AGAP3: variants seen among roughly 807,000 people sequenced by gnomAD.
AGAP3 encodes ArfGAP with GTPase domain, ankyrin repeat and PH domain 3.
In AGAP3, 24 loss-of-function variants were observed where a neutral mutation model predicts 96.9. That is an observed-to-expected ratio of 0.25 (90% CI 0.18 to 0.35). The LOEUF (loss-of-function observed/expected upper bound fraction) is 0.35. AGAP3 is among the 10% of genes least tolerant of loss of function. The pLI, the probability that AGAP3 is intolerant of heterozygous loss-of-function variation, is 1.00. For missense variants in AGAP3, 876 were observed against 1,254.2 expected, an observed-to-expected ratio of 0.70 and a Z score of 4.55; for synonymous variants, 563 against 536.1, an observed-to-expected ratio of 1.05 and a Z score of -0.69.
At chr7:151,138,400 G>A in intron 12 of AGAP3, 87 bp downstream of exon 12, 2 of 1,422,280 alleles carry the variant, frequency 1.4e-6, no homozygotes, top group Admixed American at 2.2e-5. Context: ...TGGCTTGGGA[G>A]GCTGCAGTGG....
chr7:151,092,375 C>A (rs371708726), intron 1 of AGAP3, among the ~76,000 whole-genome samples: 9 of 152,302 alleles, frequency 5.9e-5, no homozygotes, highest in East Asian at 5.8e-4. Flanking sequence ...GTGTTAGTTT[C>A]TTTTTAATAT....
chr7:151,094,091 C>T (rs2150408994), intron 1 of AGAP3, among the ~76,000 whole-genome samples: 1 of 152,218 alleles, frequency 6.6e-6, no homozygotes, highest in South Asian at 2.1e-4. Flanking sequence ...ATTTTCTGTA[C>T]CTCTGTTTCC....
Position 151,125,987 on chromosome 7 carries a change from G to C in AGAP3, c.1221+2101G>C, listed in dbSNP as rs1585092377. ...GAGCAGGAACCCCTGTAGCTTCTTT[G>C]GAGAGGGAGTGGGAAGAGGCACGGG... On this transcript the variant is annotated intron_variant, in intron 9 of 17. Coordinates refer to ENST00000397238, the MANE Select transcript of AGAP3 (RefSeq NM_031946.7). Among the ~76,000 whole-genome samples, 6 of 138,656 alleles carry C rather than the reference G, an allele frequency of 4.3e-5. No homozygotes were observed. The South Asian group carries it at 1.3e-3, about 31-fold the overall frequency. 91.0% of individuals were successfully genotyped at this position (138,656 alleles called of 152,430 possible). A position where few individuals can be genotyped will look rare whatever the true frequency, so the allele number is the denominator to read the frequency against.
At position 151,139,928 on chromosome 7, in the gene AGAP3, CCCT is replaced by C. The variant is rs1800754145; in HGVS notation, c.1667-46_1667-44del. 3 of 1,442,700 alleles carry C rather than the reference CCCT, an allele frequency of 2.1e-6. No individual in the cohort carries two copies. The East Asian group carries it at 8.5e-5, about 41-fold the overall frequency. The allele number at this position is 1,442,700 out of a possible 1,614,324, so 89.4% of individuals were successfully genotyped here. Reference sequence around the variant, plus strand: ...CTCCTCCCAGTGCCCTGCGCCCCTCCCCTCCTCTGCCTCCCTTCTTCCCACACT... The same window carrying C: ...CTCCTCCCAGTGCCCTGCGCCCCTCCCCTCTGCCTCCCTTCTTCCCACACT... On this transcript the variant is annotated intron_variant, in intron 12 of 17. Coordinates refer to ENST00000397238, the MANE Select transcript of AGAP3 (RefSeq NM_031946.7). The surrounding 1 kb of genome is among the most constrained non-coding windows in gnomAD (Gnocchi z 4.9).
In AGAP3 at chr7:151,123,785, C is replaced by T; in HGVS notation, c.1129-9C>T. On this transcript the variant is annotated splice_polypyrimidine_tract_variant and intron_variant, in intron 8 of 17. Transcript: ENST00000397238. ...GCCTCTTTAACACGCCTCTTGTTTT[C>T]TCTTCCAGTCTCGGAAGGGTGCTGA... 1 of 1,613,128 alleles carries T rather than the reference C, an allele frequency of 6.2e-7. No individual in the cohort carries two copies. The highest frequency in any genetic ancestry group is 8.5e-7 in the Non-Finnish European group (1 of 1,179,822).
intron 8 of AGAP3, chr7:151,123,170 G>GCCGTT (rs1056219997): frequency 1.9e-6 from 2 of 1,074,946 alleles, no homozygotes; most frequent in African/African-American, 3.4e-5. Context: ...ATGGACCTCT[G>GCCGTT]CCGTTCCTGC....
intron 1 of AGAP3, among the ~76,000 whole-genome samples, chr7:151,106,001 G>T (rs888290522): frequency 6.6e-6 from 1 of 151,740 alleles, no homozygotes; most frequent in African/African-American, 2.4e-5. Flanking sequence ...GGTTTAATGG[G>T]TTTAATAAGT....
At chr7:151,121,593 C>G (rs1799895914) in intron 8 of AGAP3, among the ~76,000 whole-genome samples, 1 of 152,154 alleles carries the variant, frequency 6.6e-6, no homozygotes, top group South Asian at 2.1e-4. Flanking sequence ...CAGTCCCCGG[C>G]CTCCTCCCTT....
chr7:151,091,226 G>A (rs926707079), intron 1 of AGAP3, among the ~76,000 whole-genome samples: 2 of 152,204 alleles, frequency 1.3e-5, no homozygotes, highest in African/African-American at 2.4e-5. Flanking sequence ...ATGAGGACTG[G>A]GGGGGTCTGG....
At chr7:151,107,036 G>T (rs767890267) in intron 1 of AGAP3, among the ~76,000 whole-genome samples, 2 of 152,194 alleles carry the variant, frequency 1.3e-5, no homozygotes, top group African/African-American at 4.8e-5. Flanking sequence ...GCGGCCGGGC[G>T]TGGTGGCTCA....
intron 1 of AGAP3, among the ~76,000 whole-genome samples, chr7:151,111,580 C>G (rs1799286333): frequency 6.6e-6 from 1 of 151,956 alleles, no homozygotes; most frequent in African/African-American, 2.4e-5. Context: ...ACCCCCCCGG[C>G]CCCTCACCCC....
At chr7:151,116,494 G>GTC in intron 1 of AGAP3, 1 of 482,498 alleles carries the variant, frequency 2.1e-6, no homozygotes, top group Non-Finnish European at 3.7e-6. Context: ...TGGCTTGGTG[G>GTC]GGGGACAATA....
At chr7:151,105,293 T>A (rs1374502946) in intron 1 of AGAP3, among the ~76,000 whole-genome samples, 2 of 152,176 alleles carry the variant, frequency 1.3e-5, no homozygotes, top group African/African-American at 4.8e-5. Context: ...CAGGGTGATG[T>A]ACACTTACTG....
rs1384830684 is a variant in AGAP3, at chr7:151,142,761, G to T, written c.2273+127G>T. The T allele has an allele frequency of 9.2e-7, 1 of 1,082,770 alleles. No homozygotes were observed. Among genetic ancestry groups the T allele is most frequent in the East Asian group, 2.6e-5 (1 of 38,388 alleles). The allele number at this position is 1,082,770 out of a possible 1,614,324, so 67.1% of individuals were successfully genotyped here. On this transcript the variant is annotated intron_variant, in intron 16 of 17. Coordinates refer to ENST00000397238, the MANE Select transcript of AGAP3 (RefSeq NM_031946.7). The surrounding 1 kb of genome is among the most constrained non-coding windows in gnomAD (Gnocchi z 7.5). The stretch of plus-strand genomic sequence containing the variant: ...AAACTGTCTGTTGCTCTGCTTGGCA[G>T]TTGGCCCCTTGGGGGTGCCCCTCCT...
intron 8 of AGAP3, among the ~76,000 whole-genome samples, chr7:151,121,679 C>T (rs1035269244): frequency 3.9e-5 from 6 of 152,216 alleles, no homozygotes; most frequent in East Asian, 3.8e-4. Context: ...TGGCTGCTCA[C>T]GGCACGGCCT....
At chr7:151,087,184 G>T in intron 1 of AGAP3, 112 bp downstream of exon 1, 3 of 1,167,230 alleles carry the variant, frequency 2.6e-6, no homozygotes, top group Non-Finnish European at 3.7e-6. Flanking sequence ...GTCCTTGCGC[G>T]CTTGAGGACC....
rs540468725 is a variant in AGAP3 at position 151,128,726 on chromosome 7, G to T, written c.1326+42G>T. The T allele has an allele frequency of 3.0e-5, 46 of 1,531,360 alleles. 1 individual carries two copies. In the South Asian group the frequency reaches 4.7e-4, roughly 16 times the overall value. 94.9% of individuals were successfully genotyped at this position (1,531,360 alleles called of 1,614,324 possible). A position where few individuals can be genotyped will look rare whatever the true frequency, so the allele number is the denominator to read the frequency against. The stretch of plus-strand genomic sequence containing the variant: ...GAGCCTCCTGGGGGAGTATGGGGAG[G>T]GGGTGGAGGGAGGATAACAGAATGC... On this transcript the variant is annotated intron_variant, in intron 10 of 17. Coordinates refer to ENST00000397238, the MANE Select transcript of AGAP3 (RefSeq NM_031946.7).
rs1205427679 is a variant in AGAP3 at position 151,114,311 on chromosome 7, T to C, written c.332-2482T>C. On this transcript the variant is annotated intron_variant, in intron 1 of 17. Transcript: ENST00000397238. This position sits in a 1 kb window ranked among gnomAD's most constrained non-coding sequence, Gnocchi z 4.4. ...AGGCTTGTCATACTTCTGGGCCTCA[T>C]GTTCTTGGCTCTTCTGGCTCTTCCT... Among the ~76,000 whole-genome samples the C allele has an allele frequency of 6.6e-6, 1 of 152,250 alleles. No individual in the cohort carries two copies. The highest frequency in any genetic ancestry group is 1.9e-4 in the East Asian group (1 of 5,200).
intron 1 of AGAP3, among the ~76,000 whole-genome samples, chr7:151,089,327 A>G (rs1301826518): frequency 6.6e-6 from 1 of 152,160 alleles, no homozygotes; most frequent in East Asian, 1.9e-4. Context: ...TTCCGAGCAC[A>G]GTCTGAGGCT....
Sources: gnomAD v4.1 joint callset for allele counts (sites outside exome capture counted in the v4.1 genomes callset) on GRCh38, gnomAD v4.1.1 for gene constraint, Gnocchi (gnomAD v3.1) non-coding constraint, MANE v1.5 for transcripts, NCBI Gene and HGNC (gene_info 2026-07-23, HGNC 2026-07-21) for gene names.